Variants in CPEB3 observed in about 807,000 individuals in gnomAD.
CPEB3 encodes cytoplasmic polyadenylation element binding protein 3.
CPEB3 carries 20 observed loss-of-function variants against 67.2 expected under a neutral mutation model. The ratio of observed to expected loss-of-function variants is 0.30; its 90% CI spans 0.21 to 0.43. CPEB3 has a LOEUF of 0.43. Among genes scored for constraint, CPEB3 ranks in the 20% least tolerant of loss-of-function variants. CPEB3 has a pLI of 1.00. For missense variants in CPEB3, 746 were observed against 968.6 expected (o/e 0.77, Z 3.05); for synonymous variants, 376 against 393.1 (o/e 0.96, Z 0.51).
intron 2 of CPEB3, among the ~76,000 whole-genome samples, chr10:92,208,095 T>C (rs1849882288): frequency 6.6e-6 from 1 of 152,164 alleles, no homozygotes; most frequent in African/African-American, 2.4e-5. Flanking sequence ...AGCAAAAATA[T>C]GTGGGAAAAA....
chr10:92,150,525 A>G (rs1221888682), intron 4 of CPEB3, among the ~76,000 whole-genome samples: 2 of 152,234 alleles, frequency 1.3e-5, no homozygotes, highest in Non-Finnish European at 2.9e-5. Flanking sequence ...AACCAGCTCC[A>G]TGAGAAAACA....
At chr10:92,289,735 A>G (rs1842729437) in intron 1 of CPEB3, among the ~76,000 whole-genome samples, 1 of 98,424 alleles carries the variant, frequency 1.0e-5, no homozygotes, top group Non-Finnish European at 1.8e-5. Flanking sequence ...AAAAAAAAAT[A>G]TATATATATA....
chr10:92,265,036 C>T (rs1852989857), intron 1 of CPEB3, among the ~76,000 whole-genome samples: 1 of 151,802 alleles, frequency 6.6e-6, no homozygotes, highest in Non-Finnish European at 1.5e-5. Flanking sequence ...ATGGTGTGCG[C>T]CTGTGGTCCC....
rs192909638 is a variant in CPEB3, at chr10:92,125,444, T to G, written c.1454-14250A>C. 2.0e-5 allele frequency among the ~76,000 whole-genome samples: 3 copies of G among 152,328 alleles called. No individual in the cohort carries two copies. The East Asian group carries it at 5.8e-4, about 29-fold the overall frequency. On this transcript the variant is annotated intron_variant, in intron 6 of 9. Transcript: ENST00000265997. ...ACAGTGGTAGCACAGCTGTGCTCATTGCACAGCAGATGCCAGCTCCTTTCC... is the reference window on the plus strand; with the variant it reads ...ACAGTGGTAGCACAGCTGTGCTCATGGCACAGCAGATGCCAGCTCCTTTCC...
intron 9 of CPEB3, among the ~76,000 whole-genome samples, chr10:92,060,874 T>C (rs1419843897): frequency 2.6e-5 from 4 of 152,144 alleles, no homozygotes; most frequent in African/African-American, 9.7e-5. Context: ...CAAATGCTGG[T>C]AAGGATGTAG....
chr10:92,132,965 C>T (rs557833084), intron 6 of CPEB3, among the ~76,000 whole-genome samples: 4 of 152,204 alleles, frequency 2.6e-5, no homozygotes, highest in African/African-American at 9.6e-5. Flanking sequence ...TTCTTTGAAA[C>T]CAATGAGAAC....
intron 4 of CPEB3, among the ~76,000 whole-genome samples, chr10:92,156,597 C>T (rs1847221829): frequency 6.6e-6 from 1 of 152,184 alleles, no homozygotes; most frequent in Non-Finnish European, 1.5e-5. Context: ...CTACATAAAA[C>T]AGTCCATTTC....
chr10:92,160,339 T>C lies in CPEB3; in HGVS notation c.1223-15254A>G, dbSNP rs543192919. On this transcript the variant is annotated intron_variant, in intron 4 of 9. Transcript: ENST00000265997. The stretch of plus-strand genomic sequence containing the variant: ...AAAACAATTTAAGGGACTTTTATAC[T>C]GTTTATTATTTGGCACCTTGAATTC... 2.0e-4 allele frequency among the ~76,000 whole-genome samples: 30 copies of C among 152,342 alleles called. 1 individual carries two copies. Among genetic ancestry groups the C allele is most frequent in the African/African-American group, 5.8e-4 (24 of 41,584 alleles).
intron 4 of CPEB3, among the ~76,000 whole-genome samples, chr10:92,153,797 A>C (rs1212914262): frequency 6.6e-6 from 1 of 152,190 alleles, no homozygotes; most frequent in Non-Finnish European, 1.5e-5. Context: ...CAAAAAACAA[A>C]AACAAAAATA....
chr10:92,231,500 C>G (rs1851265597), intron 2 of CPEB3, among the ~76,000 whole-genome samples: 1 of 152,128 alleles, frequency 6.6e-6, no homozygotes, highest in Admixed American at 6.5e-5. Context: ...CTCCTTTTCC[C>G]TTCTGTCCAC....
At chr10:92,181,057 A>C in intron 3 of CPEB3, 38 bp from the exon 4 acceptor site, 2 of 1,094,164 alleles carry the variant, frequency 1.8e-6, no homozygotes, top group South Asian at 2.6e-5. Flanking sequence ...AAGAATGTTT[A>C]ATGTAATCAT....
At chr10:92,197,905 G>A (rs1590362886) in intron 2 of CPEB3, among the ~76,000 whole-genome samples, 2 of 152,212 alleles carry the variant, frequency 1.3e-5, no homozygotes, top group South Asian at 2.1e-4. Flanking sequence ...TCGGGAGTTC[G>A]AGACCAGCCT....
At chr10:92,197,707 T>C (rs1273926177) in intron 2 of CPEB3, among the ~76,000 whole-genome samples, 2 of 152,178 alleles carry the variant, frequency 1.3e-5, no homozygotes, top group Non-Finnish European at 2.9e-5. Context: ...CTGGATTTAA[T>C]AGTAATAAAT....
chr10:92,258,625 A>AACTAATAT (rs1554936345), intron 1 of CPEB3, among the ~76,000 whole-genome samples: 64 of 32,786 alleles, frequency 2.0e-3, no homozygotes, highest in African/African-American at 6.2e-3. Flanking sequence ...ATATTTTTTG[A>AACTAATAT]ATATATATAT....
chr10:92,205,767 C>T lies in CPEB3; in HGVS notation c.1006-13131G>A, dbSNP rs570743489. Reference sequence around the variant, plus strand: ...CTAGGATTACAGGTGTGAGCCACTGCGCCCAGCCTAAATTCAGTTAATACA... The same window carrying T: ...CTAGGATTACAGGTGTGAGCCACTGTGCCCAGCCTAAATTCAGTTAATACA... On this transcript the variant is annotated intron_variant, in intron 2 of 9. Coordinates refer to ENST00000265997, the MANE Select transcript of CPEB3 (RefSeq NM_014912.5). 3.3e-4 allele frequency among the ~76,000 whole-genome samples: 50 copies of T among 152,062 alleles called. No homozygotes were observed. In the South Asian group the frequency reaches 4.0e-3, roughly 12 times the overall value.
chr10:92,075,555 A>C (rs931674462), intron 9 of CPEB3, among the ~76,000 whole-genome samples: 1 of 152,260 alleles, frequency 6.6e-6, no homozygotes, highest in African/African-American at 2.4e-5. Flanking sequence ...AATAGCATAA[A>C]ACAGCTCAAT....
At chr10:92,259,112 G>A (rs1008808704) in intron 1 of CPEB3, among the ~76,000 whole-genome samples, 2 of 151,356 alleles carry the variant, frequency 1.3e-5, no homozygotes, top group Non-Finnish European at 2.9e-5. Context: ...ACAGGTACAC[G>A]CCATCATGCC....
At chr10:92,067,662 T>C (rs1224438225) in intron 9 of CPEB3, among the ~76,000 whole-genome samples, 1 of 151,162 alleles carries the variant, frequency 6.6e-6, no homozygotes, top group Non-Finnish European at 1.5e-5. Flanking sequence ...CTACTAAAAA[T>C]ACAAAATTAG....
At chr10:92,135,707 C>A (rs1846058311) in intron 6 of CPEB3, among the ~76,000 whole-genome samples, 1 of 152,046 alleles carries the variant, frequency 6.6e-6, no homozygotes, top group Non-Finnish European at 1.5e-5. Flanking sequence ...AAGACACATG[C>A]ATACGTATGT....
Sources: allele counts gnomAD v4.1 joint callset (sites outside exome capture counted in the v4.1 genomes callset), GRCh38; gene constraint gnomAD v4.1.1; transcripts MANE v1.5; gene names NCBI Gene and HGNC (gene_info 2026-07-23, HGNC 2026-07-21).